ADAMTS16: variants seen among roughly 807,000 people sequenced by gnomAD.
ADAMTS16 encodes A disintegrin and metalloproteinase with thrombospondin motifs 16.
A neutral mutation model predicts 145.8 loss-of-function variants in ADAMTS16; 94 were observed. That is an observed-to-expected ratio of 0.64 (90% CI 0.55 to 0.77). ADAMTS16 has a LOEUF of 0.77. Among genes scored for constraint, ADAMTS16 ranks in the 30% least tolerant of loss-of-function variants. The probability of loss-of-function intolerance (pLI) is 0.00; values close to 1 mark genes in which losing one functional copy is unlikely to be tolerated. For synonymous variants in ADAMTS16, 659 were observed against 604.3 expected (o/e 1.09, Z -1.33); for missense variants, 1,585 against 1,591.5 (o/e 1.00, Z 0.07).
intron 17 of ADAMTS16, among the ~76,000 whole-genome samples, chr5:5,245,448 T>G (rs1226584664): frequency 6.6e-6 from 1 of 152,206 alleles, no homozygotes; most frequent in African/African-American, 2.4e-5. Flanking sequence ...TTGACCTGAT[T>G]CCCAAAGGAA....
At chr5:5,162,334 A>G (rs58049630) in intron 3 of ADAMTS16, among the ~76,000 whole-genome samples, 5,597 of 152,220 alleles carry the variant, frequency 0.037, 344 homozygotes, top group African/African-American at 0.13. Context: ...TGCCAATCAG[A>G]CCCATTATCT....
At chr5:5,198,123 G>A (rs1010003691) in intron 8 of ADAMTS16, among the ~76,000 whole-genome samples, 20 of 152,178 alleles carry the variant, frequency 1.3e-4, no homozygotes, top group African/African-American at 4.3e-4. Context: ...AGGCAGACAC[G>A]GTAGCAAGTT....
chr5:5,240,389 C>A (rs1301639803), intron 16 of ADAMTS16, among the ~76,000 whole-genome samples: 1 of 152,230 alleles, frequency 6.6e-6, no homozygotes, highest in Non-Finnish European at 1.5e-5. Context: ...TCCGCAGTCA[C>A]ATCAACCCAG....
intron 3 of ADAMTS16, among the ~76,000 whole-genome samples, chr5:5,154,569 T>C (rs1295673394): frequency 6.6e-6 from 1 of 152,198 alleles, no homozygotes; most frequent in East Asian, 1.9e-4. Flanking sequence ...AAATCTATGG[T>C]TTTGTTCCAC....
intron 18 of ADAMTS16, among the ~76,000 whole-genome samples, chr5:5,274,811 T>C (rs181132190): frequency 2.9e-3 from 446 of 152,232 alleles, no homozygotes; most frequent in Non-Finnish European, 3.3e-3. Flanking sequence ...AACTAAAGAA[T>C]ACTTCTGGTT....
At chr5:5,250,529 A>G (rs1272952199) in intron 17 of ADAMTS16, among the ~76,000 whole-genome samples, 3 of 152,184 alleles carry the variant, frequency 2.0e-5, no homozygotes, top group Admixed American at 2.0e-4. Context: ...TAACCCAACC[A>G]TGTGACACCT....
At chr5:5,153,772 C>T (rs1175937847) in intron 3 of ADAMTS16, among the ~76,000 whole-genome samples, 1 of 152,174 alleles carries the variant, frequency 6.6e-6, no homozygotes, top group East Asian at 1.9e-4. Flanking sequence ...CTGCCATTGG[C>T]ATAAAATCTG....
chr5:5,308,230 GA>G (rs1173840362), intron 21 of ADAMTS16, among the ~76,000 whole-genome samples: 2 of 152,198 alleles, frequency 1.3e-5, no homozygotes, highest in African/African-American at 2.4e-5. Context: ...CTGTCATTCA[GA>G]AAAACTTTCA....
chr5:5,239,292 G>A lies in ADAMTS16; in HGVS notation c.2278+18G>A, dbSNP rs745854121. On this transcript the variant is annotated intron_variant, in intron 15 of 22. Coordinates refer to ENST00000274181, the MANE Select transcript of ADAMTS16 (RefSeq NM_139056.4). ...CACCAACCGTGAGTACTTTAGAGCT[G>A]CCTGCAAGCCTTGGGCAAAGAAGAT... The A allele has an allele frequency of 2.8e-5, 42 of 1,524,310 alleles. No individual in the cohort carries two copies. Among genetic ancestry groups the A allele is most frequent in the Non-Finnish European group, 3.0e-5 (34 of 1,140,078 alleles). 94.4% of individuals were successfully genotyped at this position (1,524,310 alleles called of 1,614,324 possible). A position where few individuals can be genotyped will look rare whatever the true frequency, so the allele number is the denominator to read the frequency against.
intron 16 of ADAMTS16, 108 bp from the exon 17 acceptor site, chr5:5,241,945 A>G: frequency 7.5e-7 from 1 of 1,328,648 alleles, no homozygotes; most frequent in Admixed American, 2.3e-5. Context: ...TCATCATAAC[A>G]AACTTCTTGT....
At chr5:5,209,858 T>G (rs1307080460) in intron 10 of ADAMTS16, among the ~76,000 whole-genome samples, 1 of 152,152 alleles carries the variant, frequency 6.6e-6, no homozygotes, top group Non-Finnish European at 1.5e-5. Context: ...TACCCATAAA[T>G]TAAATAAAAG....
intron 3 of ADAMTS16, among the ~76,000 whole-genome samples, chr5:5,155,435 A>G (rs954621038): frequency 1.3e-5 from 2 of 152,258 alleles, no homozygotes; most frequent in African/African-American, 4.8e-5. Flanking sequence ...GAGAGAATTA[A>G]TACAATGCAT....
At chr5:5,241,693 T>TTG (rs1327653010) in intron 16 of ADAMTS16, among the ~76,000 whole-genome samples, 1 of 152,212 alleles carries the variant, frequency 6.6e-6, no homozygotes, top group African/African-American at 2.4e-5. Context: ...AATGCTTTTG[T>TTG]TAGGATGTAT....
In ADAMTS16 at chr5:5,262,752, G is replaced by A; in HGVS notation, c.2758G>A (p.Val920Met). 2 of 1,614,210 alleles carry A rather than the reference G, an allele frequency of 1.2e-6. No homozygotes were observed. The highest frequency in any genetic ancestry group is 8.5e-7 in the Non-Finnish European group (1 of 1,180,036). The change falls in exon 18 of 23, where the codon GTG (valine) becomes ATG (methionine). Residue 920 changes from valine (V) to methionine (M), a missense_variant. Val to Met is a conservative substitution (Grantham distance 21). Coordinates refer to ENST00000274181, the MANE Select transcript of ADAMTS16 (RefSeq NM_139056.4). The stretch of plus-strand genomic sequence containing the variant: ...CAAGACACGACCTGTCACGGGGCTG[G>A]TGCCTTGCAAAGTATCTGCCTGTCC... ...NPKTRPVTGL[V>M]PCKVSACPPS...
intron 21 of ADAMTS16, among the ~76,000 whole-genome samples, chr5:5,316,578 G>A (rs1734065446): frequency 6.6e-6 from 1 of 152,090 alleles, no homozygotes; most frequent in South Asian, 2.1e-4. Context: ...ATGTTCTGTG[G>A]CATGTGCATT....
At chr5:5,193,828 G>T (rs1401460341) in intron 8 of ADAMTS16, among the ~76,000 whole-genome samples, 1 of 152,180 alleles carries the variant, frequency 6.6e-6, no homozygotes, top group Non-Finnish European at 1.5e-5. Flanking sequence ...AGCCAGTCGG[G>T]CGTGGTGGCT....
At position 5,189,133 on chromosome 5, in the gene ADAMTS16, G is replaced by A. The variant is rs1163758018; in HGVS notation, c.1048-838G>A. On this transcript the variant is annotated intron_variant, in intron 6 of 22. Coordinates refer to ENST00000274181, the MANE Select transcript of ADAMTS16 (RefSeq NM_139056.4). ...GTCTGAGAGACAAAAATTTCAATAC[G>A]ACATCCTAACAGTGCAAGCTTTAAA... Among the ~76,000 whole-genome samples, 8 of 152,216 alleles carry A rather than the reference G, an allele frequency of 5.3e-5. No homozygotes were observed. In the East Asian group the frequency reaches 1.2e-3, roughly 22 times the overall value.
chr5:5,313,778 G>A (rs577575026), intron 21 of ADAMTS16, among the ~76,000 whole-genome samples: 4 of 152,268 alleles, frequency 2.6e-5, no homozygotes, highest in Non-Finnish European at 4.4e-5. Context: ...ACATGTGCCT[G>A]CGTGTGTACG....
At chr5:5,142,145 C>T (rs1734185696) in intron 2 of ADAMTS16, 1 of 151,284 alleles carries the variant, frequency 6.6e-6, no homozygotes, top group African/African-American at 2.4e-5. Flanking sequence ...TAGTTTATGG[C>T]ATTTATGAAG....
Sources: gnomAD v4.1 joint callset for allele counts (sites outside exome capture counted in the v4.1 genomes callset) on GRCh38, gnomAD v4.1.1 for gene constraint, MANE v1.5 for transcripts, NCBI Gene and HGNC (gene_info 2026-07-23, HGNC 2026-07-21) for gene names.